Variants in TULP4 observed in about 807,000 individuals in gnomAD.
The protein encoded by TULP4 is tubby-related protein 4.
A neutral mutation model predicts 129.0 loss-of-function variants in TULP4; 16 were observed. The observed-to-expected ratio is 0.12, with a 90% CI of 0.08 to 0.19. TULP4 has a LOEUF of 0.19. Ranked by LOEUF, TULP4 falls within the 10% of genes least tolerant of loss-of-function variation. The pLI, the probability that TULP4 is intolerant of heterozygous loss-of-function variation, is 1.00. For synonymous variants in TULP4, 998 were observed against 854.0 expected (o/e 1.17, Z -2.94); for missense variants, 1,842 against 2,059.1 (o/e 0.89, Z 2.04).
intron 1 of TULP4, among the ~76,000 whole-genome samples, chr6:158,263,748 CCT>C (rs1458694230): frequency 6.9e-6 from 1 of 144,796 alleles, no homozygotes; most frequent in East Asian, 2.1e-4. Context: ...AGAGGGAGAC[CCT>C]GTCTCAACAA....
At chr6:158,396,440 T>TA (rs1408465925) in intron 1 of TULP4, among the ~76,000 whole-genome samples, 4 of 152,302 alleles carry the variant, frequency 2.6e-5, no homozygotes, top group Admixed American at 2.6e-4. Flanking sequence ...ATCAAATAAG[T>TA]AACATAATCA....
chr6:158,268,035 C>CTTTTTTCT (rs1778481780), intron 1 of TULP4, among the ~76,000 whole-genome samples: 1 of 72,770 alleles, frequency 1.4e-5, no homozygotes, highest in Admixed American at 1.8e-4. Flanking sequence ...TTTCTTTTTT[C>CTTTTTTCT]TTTTTTTTTT....
chr6:158,386,123 G>A (rs1163750429), intron 1 of TULP4, among the ~76,000 whole-genome samples: 1 of 151,954 alleles, frequency 6.6e-6, no homozygotes, highest in Non-Finnish European at 1.5e-5. Context: ...ATGATTACAA[G>A]TGTGAGCCAC....
At chr6:158,332,320 A>G (rs555745407) in intron 1 of TULP4, among the ~76,000 whole-genome samples, 5 of 151,484 alleles carry the variant, frequency 3.3e-5, no homozygotes, top group Non-Finnish European at 7.4e-5. Flanking sequence ...TAAGCTGGGA[A>G]GGGGTTCAGA....
chr6:158,273,074 A>G (rs777563033), intron 1 of TULP4, among the ~76,000 whole-genome samples: 7 of 152,216 alleles, frequency 4.6e-5, no homozygotes, highest in South Asian at 2.1e-4. Context: ...TCTTGAGTCC[A>G]AGGACAGAGT....
intron 1 of TULP4, among the ~76,000 whole-genome samples, chr6:158,377,197 CACGTGGCCAGCACTGTCTT>C (rs1445386593): frequency 6.6e-6 from 1 of 152,184 alleles, no homozygotes; most frequent in Non-Finnish European, 1.5e-5. Context: ...GCACGCCTGC[CACGTGGCCAGCACTGTCTT>C]ACACACACAG....
chr6:158,401,447 C>T (rs827967), intron 1 of TULP4, among the ~76,000 whole-genome samples: 41,938 of 151,982 alleles, frequency 0.28, 6,222 homozygotes, highest in East Asian at 0.52. Context: ...TATGTGTGCA[C>T]GCAGTTTGCT....
chr6:158,443,604 G>A (rs142143969), intron 3 of TULP4, among the ~76,000 whole-genome samples: 4 of 152,160 alleles, frequency 2.6e-5, no homozygotes, highest in South Asian at 2.1e-4. Flanking sequence ...CTTCTTCTCC[G>A]AAAATCTTTA....
At chr6:158,234,529 TCTA>T (rs1369881296) in intron 1 of TULP4, among the ~76,000 whole-genome samples, 1 of 152,242 alleles carries the variant, frequency 6.6e-6, no homozygotes, top group African/African-American at 2.4e-5. Flanking sequence ...ATTCATCTGT[TCTA>T]CTCATTTGCA....
intron 1 of TULP4, among the ~76,000 whole-genome samples, chr6:158,391,176 A>G (rs1352681592): frequency 6.6e-6 from 1 of 152,234 alleles, no homozygotes; most frequent in East Asian, 1.9e-4. Context: ...TTTCTTTCTT[A>G]TACAGTGTAG....
chr6:158,314,795 G>T (rs1027831656), intron 1 of TULP4, among the ~76,000 whole-genome samples: 1 of 152,174 alleles, frequency 6.6e-6, no homozygotes, highest in Non-Finnish European at 1.5e-5. Flanking sequence ...GTAGTTAATG[G>T]ACAAAAACCA....
chr6:158,266,048 A>G lies in TULP4; in HGVS notation n.68+33745A>G, dbSNP rs181081353. ...AAAATAGTACATTTGTAAAAGGGGG[A>G]AAATCACCCCTAGCTTCCACCATTG... is the stretch of plus-strand genomic sequence containing the variant. On this transcript the variant is annotated intron_variant and non_coding_transcript_variant, in intron 1 of 1. Coordinates refer to the TULP4 transcript ENST00000620026. Among the ~76,000 whole-genome samples, 100 of 152,228 alleles carry G rather than the reference A, an allele frequency of 6.6e-4. 1 individual carries two copies. Among genetic ancestry groups the G allele is most frequent in the African/African-American group, 2.1e-3 (86 of 41,532 alleles).
At chr6:158,263,077 C>T (rs535713279) in intron 1 of TULP4, among the ~76,000 whole-genome samples, 6 of 152,296 alleles carry the variant, frequency 3.9e-5, no homozygotes, top group African/African-American at 1.4e-4. Flanking sequence ...AACATCCTAC[C>T]CGTTTAAATT....
chr6:158,303,923 A>C (rs1303277797), intron 1 of TULP4, among the ~76,000 whole-genome samples: 2 of 152,218 alleles, frequency 1.3e-5, no homozygotes, highest in Non-Finnish European at 2.9e-5. Flanking sequence ...AGAAAACAAA[A>C]CAAACCAAAA....
At chr6:158,358,549 TAATA>T (rs1199896107) in intron 1 of TULP4, among the ~76,000 whole-genome samples, 1 of 152,202 alleles carries the variant, frequency 6.6e-6, no homozygotes, top group Non-Finnish European at 1.5e-5. Flanking sequence ...GAGATATTAA[TAATA>T]AATGAATTTG....
At chr6:158,438,765 A>G (rs1778812926) in intron 3 of TULP4, among the ~76,000 whole-genome samples, 1 of 151,966 alleles carries the variant, frequency 6.6e-6, no homozygotes, top group South Asian at 2.1e-4. Flanking sequence ...TTGTATTTTT[A>G]GTAGAGACAG....
intron 6 of TULP4, among the ~76,000 whole-genome samples, chr6:158,470,405 G>C (rs1171874617): frequency 1.3e-5 from 2 of 152,246 alleles, no homozygotes; most frequent in Non-Finnish European, 2.9e-5. Flanking sequence ...TTGCCGGCTT[G>C]AATGCCTGGG....
rs1271439157 is a variant in TULP4 at position 158,248,148 on chromosome 6, A to G, written n.68+15845A>G. ...TTAACAGATTAGAGAATGCCATTAAAATGTGATGCCTGGCCGTGCATGGTG... is the reference window on the plus strand; with the variant it reads ...TTAACAGATTAGAGAATGCCATTAAGATGTGATGCCTGGCCGTGCATGGTG... On this transcript the variant is annotated intron_variant and non_coding_transcript_variant, in intron 1 of 1. Transcript: ENST00000620026. Among the ~76,000 whole-genome samples, 7 of 152,318 alleles carry G rather than the reference A, an allele frequency of 4.6e-5. No homozygotes were observed. The East Asian group carries it at 1.4e-3, about 29-fold the overall frequency.
intron 1 of TULP4, among the ~76,000 whole-genome samples, chr6:158,233,914 A>G (rs1227645952): frequency 6.6e-6 from 1 of 152,042 alleles, no homozygotes; most frequent in Non-Finnish European, 1.5e-5. Flanking sequence ...TTATTTATTT[A>G]TTTTTGGTTT....
Sources: allele counts gnomAD v4.1 joint callset (sites outside exome capture counted in the v4.1 genomes callset), GRCh38; gene constraint gnomAD v4.1.1; transcripts MANE v1.5; gene names NCBI Gene and HGNC (gene_info 2026-07-23, HGNC 2026-07-21).